The following TNIK variants were observed in gnomAD, a reference collection of about 807,000 sequenced individuals.
The protein encoded by TNIK is TRAF2 and NCK interacting kinase, also known as TRAF2 and NCK-interacting protein kinase.
Under a neutral mutation model 191.3 loss-of-function variants are expected in TNIK, and 49 were observed. The observed-to-expected ratio is 0.26, with a 90% CI of 0.20 to 0.32. TNIK has a LOEUF of 0.32. Among genes scored for constraint, TNIK ranks in the 10% least tolerant of loss-of-function variants. The pLI, the probability that TNIK is intolerant of heterozygous loss-of-function variation, is 1.00. For missense variants in TNIK, 1,155 were observed against 1,702.3 expected, an observed-to-expected ratio of 0.68 and a Z score of 5.66; for synonymous variants, 594 against 600.9, an observed-to-expected ratio of 0.99 and a Z score of 0.17.
intron 2 of TNIK, among the ~76,000 whole-genome samples, chr3:171,252,060 ATGCGTG>A (rs1292157613): frequency 1.3e-5 from 2 of 151,978 alleles, no homozygotes; most frequent in African/African-American, 2.4e-5. Context: ...AAAATCTGGT[ATGCGTG>A]TGTGTGTGTG....
intron 2 of TNIK, among the ~76,000 whole-genome samples, chr3:171,295,142 CTG>C (rs1375975441): frequency 6.6e-6 from 1 of 152,144 alleles, no homozygotes; most frequent in Non-Finnish European, 1.5e-5. Flanking sequence ...CCACACTTCA[CTG>C]TGAAGCAGGC....
At chr3:171,136,377 G>A (rs1157233937) in intron 15 of TNIK, among the ~76,000 whole-genome samples, 2 of 152,124 alleles carry the variant, frequency 1.3e-5, no homozygotes, top group East Asian at 1.9e-4. Flanking sequence ...TGGACAACTC[G>A]GGGCTTGTCA....
At chr3:171,231,312 G>GT (rs1014986137) in intron 2 of TNIK, among the ~76,000 whole-genome samples, 4 of 139,774 alleles carry the variant, frequency 2.9e-5, no homozygotes, top group African/African-American at 9.2e-5. Flanking sequence ...TGTTGTTGTT[G>GT]TTTTGTTTTT....
rs144057450 is a variant in TNIK at position 171,321,783 on chromosome 3, T to C, written c.123+47837A>G. ...GAAATAACTGACAAATAGAACCAAA[T>C]ATCCCTCAGAGCCACTATTTTAAAA... On this transcript the variant is annotated intron_variant, in intron 2 of 32. Transcript: ENST00000436636. 3.9e-5 allele frequency among the ~76,000 whole-genome samples: 6 copies of C among 152,258 alleles called. No individual in the cohort carries two copies. In the East Asian group the frequency reaches 1.2e-3, roughly 29 times the overall value.
Position 171,397,211 on chromosome 3 carries a change from A to G in TNIK, c.58-27526T>C, listed in dbSNP as rs556152706. On this transcript the variant is annotated intron_variant, in intron 1 of 32. Coordinates refer to ENST00000436636, the MANE Select transcript of TNIK (RefSeq NM_015028.4). ...CCTTTGATACAAGAGTGCGAAGGGC[A>G]TCTGTCTCTGATTTTCCTACTCAAC... Among the ~76,000 whole-genome samples the G allele has an allele frequency of 1.0e-3, 154 of 152,330 alleles. 2 individuals carry two copies. Among genetic ancestry groups the G allele is most frequent in the African/African-American group, 3.5e-3 (145 of 41,588 alleles).
chr3:171,201,483 C>T (rs1739396026), intron 4 of TNIK, among the ~76,000 whole-genome samples: 1 of 152,026 alleles, frequency 6.6e-6, no homozygotes, highest in African/African-American at 2.4e-5. Context: ...AAAGATTTAA[C>T]CCAGAAACAT....
intron 5 of TNIK, among the ~76,000 whole-genome samples, chr3:171,191,833 A>G (rs911429433): frequency 1.3e-5 from 2 of 152,236 alleles, no homozygotes; most frequent in Admixed American, 6.5e-5. Flanking sequence ...GACTTACTCT[A>G]AAGTAGTCAT....
intron 1 of TNIK, among the ~76,000 whole-genome samples, chr3:171,435,570 G>T (rs890407422): frequency 6.6e-6 from 1 of 152,138 alleles, no homozygotes; most frequent in Non-Finnish European, 1.5e-5. Flanking sequence ...ATTAAAAATA[G>T]TTTTTGCTTT....
intron 2 of TNIK, among the ~76,000 whole-genome samples, chr3:171,293,005 A>G (rs942821110): frequency 6.6e-6 from 1 of 151,876 alleles, no homozygotes; most frequent in Non-Finnish European, 1.5e-5. Flanking sequence ...AACTCACCCC[A>G]CTAAAGTCCT....
At chr3:171,212,766 G>A (rs557553997) in intron 3 of TNIK, among the ~76,000 whole-genome samples, 22 of 152,278 alleles carry the variant, frequency 1.4e-4, no homozygotes, top group Admixed American at 5.2e-4. Flanking sequence ...ACTACAAAGA[G>A]CCCAATGCCC....
At chr3:171,335,380 A>C (rs1756859499) in intron 2 of TNIK, among the ~76,000 whole-genome samples, 1 of 152,234 alleles carries the variant, frequency 6.6e-6, no homozygotes, top group Non-Finnish European at 1.5e-5. Context: ...ATACAGTCAC[A>C]TAACCACCAC....
chr3:171,276,979 T>C (rs1197199029), intron 2 of TNIK, among the ~76,000 whole-genome samples: 1 of 152,218 alleles, frequency 6.6e-6, no homozygotes, highest in Non-Finnish European at 1.5e-5. Flanking sequence ...GTTCATGCAA[T>C]GGAAATGTAA....
At chr3:171,252,060 ATGCGTGTGTGTGTGTGTG>A (rs1229075761) in intron 2 of TNIK, among the ~76,000 whole-genome samples, 3 of 151,860 alleles carry the variant, frequency 2.0e-5, no homozygotes, top group South Asian at 2.1e-4. Context: ...AAAATCTGGT[ATGCGTGTGTGTGTGTGTG>A]TGCGTGTGTG....
chr3:171,259,132 G>C (rs545606803), intron 2 of TNIK, among the ~76,000 whole-genome samples: 3 of 152,318 alleles, frequency 2.0e-5, no homozygotes, highest in East Asian at 3.9e-4. Context: ...GAGAGAGAGA[G>C]AGTGTATGTG....
rs145995921 is a variant in TNIK, at chr3:171,076,545, C to T, written c.3448+2973G>A. Among the ~76,000 whole-genome samples, 6 of 152,172 alleles carry T rather than the reference C, an allele frequency of 3.9e-5. No individual in the cohort carries two copies. The East Asian group carries it at 5.8e-4, about 15-fold the overall frequency. The stretch of plus-strand genomic sequence containing the variant: ...CTGAAGGTGTCTAAAGTTCCTCCGC[C>T]GCTCCTTTATTGTCATTCTTTATGT... On this transcript the variant is annotated intron_variant, in intron 28 of 32. Coordinates refer to ENST00000436636, the MANE Select transcript of TNIK (RefSeq NM_015028.4).
intron 2 of TNIK, among the ~76,000 whole-genome samples, chr3:171,298,553 G>T (rs953982828): frequency 6.6e-6 from 1 of 152,184 alleles, no homozygotes; most frequent in Admixed American, 6.5e-5. Flanking sequence ...AAGTGTAAAA[G>T]AGCTGGCACA....
At chr3:171,080,204 G>C (rs73879282) in intron 27 of TNIK, among the ~76,000 whole-genome samples, 3,638 of 152,182 alleles carry the variant, frequency 0.024, 164 homozygotes, top group African/African-American at 0.083. Context: ...TTAAATTTCC[G>C]TTTGGTAAAG....
At chr3:171,386,965 C>T (rs978217978) in intron 1 of TNIK, among the ~76,000 whole-genome samples, 3 of 152,154 alleles carry the variant, frequency 2.0e-5, no homozygotes, top group African/African-American at 4.8e-5. Flanking sequence ...TGTCCCTGCT[C>T]CTCCCAGGTC....
chr3:171,130,068 C>T (rs754564913), intron 15 of TNIK, among the ~76,000 whole-genome samples: 6 of 152,184 alleles, frequency 3.9e-5, no homozygotes, highest in Non-Finnish European at 7.3e-5. Flanking sequence ...TAAGAACCCA[C>T]GTGCAGATGT....
Sources: gnomAD v4.1 joint callset for allele counts (sites outside exome capture counted in the v4.1 genomes callset) on GRCh38, gnomAD v4.1.1 for gene constraint, MANE v1.5 for transcripts, NCBI Gene and HGNC (gene_info 2026-07-23, HGNC 2026-07-21) for gene names.